The following NADSYN1 variants were observed in gnomAD, a reference collection of about 807,000 sequenced individuals.
NADSYN1 encodes the protein glutamine-dependent NAD(+) synthetase.
Under a neutral mutation model 99.3 loss-of-function variants are expected in NADSYN1, and 80 were observed. That is an observed-to-expected ratio of 0.81 (90% CI 0.67 to 0.97). The LOEUF is 0.97. NADSYN1 is among the 50% of genes least tolerant of loss of function. The pLI, the probability that NADSYN1 is intolerant of heterozygous loss-of-function variation, is 0.00. For missense variants in NADSYN1, 859 were observed against 948.5 expected, an observed-to-expected ratio of 0.91 and a Z score of 1.24; for synonymous variants, 385 against 372.1, an observed-to-expected ratio of 1.03 and a Z score of -0.40.
At chr11:71,457,183 AC>A (rs1949519860) in intron 2 of NADSYN1, among the ~76,000 whole-genome samples, 1 of 152,218 alleles carries the variant, frequency 6.6e-6, no homozygotes, top group Non-Finnish European at 1.5e-5. Flanking sequence ...GGGCATGAAA[AC>A]CCATGAAACG....
At chr11:71,496,198 C>A (rs902781412) in intron 18 of NADSYN1, among the ~76,000 whole-genome samples, 1 of 152,212 alleles carries the variant, frequency 6.6e-6, no homozygotes, top group Non-Finnish European at 1.5e-5. Context: ...GGAATTGCTT[C>A]CCTCACAGTT....
chr11:71,469,053 T>C (rs1451018658), intron 5 of NADSYN1, among the ~76,000 whole-genome samples: 3 of 152,212 alleles, frequency 2.0e-5, no homozygotes, highest in African/African-American at 7.2e-5. Flanking sequence ...CCTAAGTTGA[T>C]CTGTGGATTC....
intron 16 of NADSYN1, among the ~76,000 whole-genome samples, chr11:71,486,494 T>A (rs4944979): frequency 6.6e-6 from 1 of 151,624 alleles, no homozygotes; most frequent in Admixed American, 6.6e-5. Context: ...CATCCATCCA[T>A]TCATTCACCC....
At chr11:71,478,601 C>T (rs113830768) in intron 10 of NADSYN1, 132 bp downstream of exon 10, 10 of 803,014 alleles carry the variant, frequency 1.2e-5, no homozygotes, top group South Asian at 6.3e-5. Flanking sequence ...CCGGACTTCC[C>T]GAGCGTGGAA....
intron 8 of NADSYN1, 55 bp downstream of exon 8, chr11:71,473,741 C>T (rs767422772): frequency 8.1e-7 from 1 of 1,239,610 alleles, no homozygotes; most frequent in Non-Finnish European, 1.2e-6. Flanking sequence ...ATCTCAAGAA[C>T]TCCTGCATCC....
In NADSYN1 at chr11:71,491,574, A is replaced by G. The variant is rs543726865; in HGVS notation, c.1695-260A>G. Among the ~76,000 whole-genome samples the G allele has an allele frequency of 8.5e-5, 13 of 152,244 alleles. No homozygotes were observed. The South Asian group carries it at 2.7e-3, about 32-fold the overall frequency. On this transcript the variant is annotated intron_variant, in intron 17 of 20. Coordinates refer to ENST00000319023, the MANE Select transcript of NADSYN1 (RefSeq NM_018161.5). ...CTCGACCTAGGTGTGCCCGGTGCCCAGTGGACTGGCCCTTCACTGTGCCTC... is the reference window on the plus strand; with the variant it reads ...CTCGACCTAGGTGTGCCCGGTGCCCGGTGGACTGGCCCTTCACTGTGCCTC...
At chr11:71,485,496 G>C in intron 15 of NADSYN1, 46 bp from the exon 16 acceptor site, 3 of 1,448,588 alleles carry the variant, frequency 2.1e-6, no homozygotes, top group Non-Finnish European at 2.8e-6. Context: ...TCTCCCCCGT[G>C]TTCCTTTGCA....
At chr11:71,487,947 A>C (rs541278317) in intron 16 of NADSYN1, among the ~76,000 whole-genome samples, 2 of 151,728 alleles carry the variant, frequency 1.3e-5, no homozygotes, top group African/African-American at 4.8e-5. Flanking sequence ...CACTCCCCTC[A>C]TGATGTAGTA....
At chr11:71,477,768 C>T (rs1176298939) in intron 9 of NADSYN1, among the ~76,000 whole-genome samples, 3 of 152,142 alleles carry the variant, frequency 2.0e-5, no homozygotes, top group African/African-American at 7.2e-5. Flanking sequence ...CCGCCTCTGC[C>T]CTCCCCCAGC....
At chr11:71,468,370 C>G (rs750397187) in intron 5 of NADSYN1, among the ~76,000 whole-genome samples, 4 of 152,162 alleles carry the variant, frequency 2.6e-5, no homozygotes, top group Non-Finnish European at 5.9e-5. Context: ...AGCCCTAAAT[C>G]ACTGCATAGC....
At chr11:71,474,727 C>T (rs1160453099) in intron 9 of NADSYN1, 5 of 575,250 alleles carry the variant, frequency 8.7e-6, no homozygotes, top group South Asian at 1.9e-5. Context: ...CCCGCCTGCT[C>T]CTGGCTCTCC....
chr11:71,456,361 A>G (rs987095431), intron 2 of NADSYN1, among the ~76,000 whole-genome samples: 2 of 152,222 alleles, frequency 1.3e-5, no homozygotes, highest in African/African-American at 4.8e-5. Context: ...CCTAAGTGCC[A>G]AGGGATCTAG....
chr11:71,478,278 C>A, intron 9 of NADSYN1, 117 bp from the exon 10 acceptor site: 1 of 825,422 alleles, frequency 1.2e-6, no homozygotes, highest in Non-Finnish European at 2.0e-6. Flanking sequence ...CTCCAGGAAT[C>A]CAGGGTCTCA....
At chr11:71,485,276 C>T (rs753010214) in intron 15 of NADSYN1, 19 of 309,700 alleles carry the variant, frequency 6.1e-5, no homozygotes, top group Non-Finnish European at 1.1e-4. Context: ...AGTCCTGCCA[C>T]CAGTGCTCCC....
rs750961684 is a variant in NADSYN1 at position 71,490,978 on chromosome 11, T to C, written c.1694+2T>C. The C allele has an allele frequency of 3.1e-6, 5 of 1,614,062 alleles. No individual in the cohort carries two copies. Among genetic ancestry groups the C allele is most frequent in the Non-Finnish European group, 4.2e-6 (5 of 1,179,968 alleles). On this transcript the variant is annotated splice_donor_variant, in intron 17 of 20. Coordinates refer to ENST00000319023, the MANE Select transcript of NADSYN1 (RefSeq NM_018161.5). LOFTEE classifies it high-confidence loss of function. ...CTTCCAGCTTCCTGCCCTGCAGAGGTGAGTGTGCTCACGGGCTGTGGCTCC... is the reference window on the plus strand; with the variant it reads ...CTTCCAGCTTCCTGCCCTGCAGAGGCGAGTGTGCTCACGGGCTGTGGCTCC...
intron 2 of NADSYN1, among the ~76,000 whole-genome samples, chr11:71,456,268 G>T (rs1382355841): frequency 6.6e-6 from 1 of 152,210 alleles, no homozygotes; most frequent in African/African-American, 2.4e-5. Flanking sequence ...TTCAAATAGG[G>T]CTGTTTCTCC....
rs1949769698 is a variant in NADSYN1, at chr11:71,490,209, CA to C, written c.1563-635del. Among the ~76,000 whole-genome samples, 5 of 152,296 alleles carry C rather than the reference CA, an allele frequency of 3.3e-5. No homozygotes were observed. The South Asian group carries it at 8.3e-4, about 25-fold the overall frequency. On this transcript the variant is annotated intron_variant, in intron 16 of 20. Coordinates refer to ENST00000319023, the MANE Select transcript of NADSYN1 (RefSeq NM_018161.5). ...CTCACGACGCCTCCTCCGTCTTCACCACCAGCGGCCTCGCGTCTCTGCCTTT... is the reference window on the plus strand; with the variant it reads ...CTCACGACGCCTCCTCCGTCTTCACCCCAGCGGCCTCGCGTCTCTGCCTTT...
At chr11:71,465,441 G>T (rs764074330) in intron 5 of NADSYN1, among the ~76,000 whole-genome samples, 5 of 152,174 alleles carry the variant, frequency 3.3e-5, no homozygotes, top group Admixed American at 6.5e-5. Flanking sequence ...AGATCACATG[G>T]AACTCTCAGT....
chr11:71,458,363 C>A, intron 2 of NADSYN1, 65 bp from the exon 3 acceptor site: 1 of 1,274,770 alleles, frequency 7.8e-7, no homozygotes, highest in Non-Finnish European at 1.1e-6. Context: ...GACTGGCCCA[C>A]AGGCCCTGCC....
Sources: allele counts gnomAD v4.1 joint callset (sites outside exome capture counted in the v4.1 genomes callset), GRCh38; gene constraint gnomAD v4.1.1; transcripts MANE v1.5; gene names NCBI Gene and HGNC (gene_info 2026-07-23, HGNC 2026-07-21).